The following TAC4 variants were observed in gnomAD, a reference collection of about 807,000 sequenced individuals.
TAC4 encodes tachykinin-4.
Under a neutral mutation model 17.7 loss-of-function variants are expected in TAC4, and 17 were observed. That is an observed-to-expected ratio of 0.96 (90% CI 0.66 to 1.44). The LOEUF is 1.44. Ranked by LOEUF, TAC4 falls within the 40% of genes most tolerant of loss-of-function variation. The pLI is 0.00. For missense variants in TAC4, 118 were observed against 125.6 expected (o/e 0.94, Z 0.29); for synonymous variants, 62 against 52.4 (o/e 1.18, Z -0.79).
chr17:49,843,106 G>A lies in TAC4; in HGVS notation c.199+958C>T, dbSNP rs552570343. Reference sequence around the variant, plus strand: ...GTAACAGCATGTCTGCCTGAAAAGCGAGACTCTGGGTCAGAAAGGTAAGCA... The same window carrying A: ...GTAACAGCATGTCTGCCTGAAAAGCAAGACTCTGGGTCAGAAAGGTAAGCA... On this transcript the variant is annotated intron_variant, in intron 2 of 4. Transcript: ENST00000436235. Among the ~76,000 whole-genome samples the A allele has an allele frequency of 7.2e-5, 11 of 152,324 alleles. No individual in the cohort carries two copies. In the South Asian group the frequency reaches 2.1e-3, roughly 29 times the overall value.
At chr17:49,839,662 C>T (rs2074482079) in intron 4 of TAC4, among the ~76,000 whole-genome samples, 188 bp downstream of exon 4, 1 of 151,992 alleles carries the variant, frequency 6.6e-6, no homozygotes, top group South Asian at 2.1e-4. Context: ...GGTGCAGCTT[C>T]TGGGCCATAG....
At chr17:49,847,342 G>C (rs749694303) in intron 1 of TAC4, 3 of 1,102,794 alleles carry the variant, frequency 2.7e-6, no homozygotes, top group African/African-American at 1.6e-5. Context: ...AGGCAGGAGT[G>C]GGGGTAGTGC....
At chr17:49,842,747 A>G (rs2074508274) in intron 2 of TAC4, among the ~76,000 whole-genome samples, 1 of 151,970 alleles carries the variant, frequency 6.6e-6, no homozygotes, top group African/African-American at 2.4e-5. Flanking sequence ...CCTCATCTCC[A>G]CTTCTGTCCT....
intron 1 of TAC4, chr17:49,847,038 G>A: frequency 1.6e-6 from 2 of 1,290,148 alleles, no homozygotes; most frequent in Non-Finnish European, 1.0e-6. Flanking sequence ...AACCGGAAAG[G>A]AAACCCACCA....
Position 49,838,560 on chromosome 17 carries a change from T to C in TAC4, c.*82A>G, listed in dbSNP as rs1461333179. ...AGGACAGGAGACACAGAGAAGAGAG[T>C]TGGCCTGCCGGCTTGTCAGCTGTGA... is the stretch of plus-strand genomic sequence containing the variant. On this transcript the variant is annotated 3_prime_UTR_variant, in exon 5 of 5. Coordinates refer to ENST00000436235, the MANE Select transcript of TAC4 (RefSeq NM_001077506.2). 7.0e-6 allele frequency: 11 copies of C among 1,561,818 alleles called. No individual in the cohort carries two copies. Among genetic ancestry groups the C allele is most frequent in the Non-Finnish European group, 9.7e-6 (11 of 1,133,920 alleles).
chr17:49,847,183 C>T (rs1302988266), intron 1 of TAC4: 3 of 1,289,928 alleles, frequency 2.3e-6, no homozygotes, highest in Middle Eastern at 2.1e-4. Flanking sequence ...GGAGTCAGGC[C>T]CAGCCTTGTC....
intron 2 of TAC4, among the ~76,000 whole-genome samples, chr17:49,843,012 T>C (rs1220165444): frequency 1.3e-5 from 2 of 152,150 alleles, no homozygotes; most frequent in Non-Finnish European, 2.9e-5. Flanking sequence ...TGATTGATGG[T>C]GTTTATGTTA....
chr17:49,847,708 C>CAG, intron 1 of TAC4: 2 of 668,970 alleles, frequency 3.0e-6, no homozygotes, highest in Non-Finnish European at 5.1e-6. Flanking sequence ...CACACACACA[C>CAG]ACACACACAC....
intron 1 of TAC4, chr17:49,846,215 G>A: frequency 1.6e-6 from 2 of 1,288,868 alleles, no homozygotes; most frequent in South Asian, 2.5e-5. Context: ...ATGACTACAG[G>A]TTGGGGGAGC....
At chr17:49,845,546 TGAG>T (rs561305344) in intron 1 of TAC4, among the ~76,000 whole-genome samples, 291 of 152,216 alleles carry the variant, frequency 1.9e-3, no homozygotes, top group African/African-American at 6.6e-3. Context: ...GAATGCCAAA[TGAG>T]GAGTCCTTTC....
chr17:49,840,229 C>T (rs756962207), intron 3 of TAC4, among the ~76,000 whole-genome samples: 23 of 152,206 alleles, frequency 1.5e-4, no homozygotes, highest in Non-Finnish European at 2.2e-4. Context: ...AGACCTGATG[C>T]CTGCCTGTTG....
At chr17:49,846,917 T>TAGGGGTAGCGCTGCAAAA in intron 1 of TAC4, 1 of 1,268,782 alleles carries the variant, frequency 7.9e-7, no homozygotes, top group South Asian at 1.3e-5. Context: ...GTCACTTCCC[T>TAGGGGTAGCGCTGCAAAA]CCTCCGTTTT....
intron 3 of TAC4, among the ~76,000 whole-genome samples, chr17:49,840,713 G>A (rs2074490782): frequency 6.6e-6 from 1 of 151,938 alleles, no homozygotes; most frequent in African/African-American, 2.4e-5. Context: ...ACGTTGGCCA[G>A]GCTGGTCTCG....
chr17:49,844,996 A>G (rs2074527142), intron 1 of TAC4, among the ~76,000 whole-genome samples: 1 of 152,222 alleles, frequency 6.6e-6, no homozygotes, highest in South Asian at 2.1e-4. Context: ...GGCTGAGCCA[A>G]GATTCAAAGT....
intron 1 of TAC4, chr17:49,845,988 T>C (rs2074535341): frequency 4.2e-6 from 1 of 239,822 alleles, no homozygotes; most frequent in Non-Finnish European, 8.3e-6. Flanking sequence ...GAAAAGCTCA[T>C]GAAAACCACT....
rs1175342087 is a variant in TAC4, at chr17:49,838,437, C to T, written c.*205G>A. The stretch of plus-strand genomic sequence containing the variant: ...GCAGAGTCAGTGCAGCTTGCTACGG[C>T]GAAGCTGTGCATTTATGCAGGACTG... On this transcript the variant is annotated 3_prime_UTR_variant, in exon 5 of 5. Transcript: ENST00000436235. The T allele has an allele frequency of 6.1e-6, 4 of 660,654 alleles. No homozygotes were observed. Among genetic ancestry groups the T allele is most frequent in the African/African-American group, 1.8e-5 (1 of 54,268 alleles). 40.9% of individuals were successfully genotyped at this position (660,654 alleles called of 1,614,324 possible).
At chr17:49,839,714 C>T (rs1409032959) in intron 4 of TAC4, 136 bp downstream of exon 4, 1 of 763,908 alleles carries the variant, frequency 1.3e-6, no homozygotes. Flanking sequence ...TCGACTGCCT[C>T]CCCTGGGGGC....
chr17:49,844,172 A>G lies in TAC4; in HGVS notation c.106-15T>C. 6.2e-7 allele frequency: 1 copy of G among 1,613,228 alleles called. No homozygotes were observed. The highest frequency in any genetic ancestry group is 8.5e-7 in the Non-Finnish European group (1 of 1,179,362). The stretch of plus-strand genomic sequence containing the variant: ...CCAGCGCCTTCCTGAAGAAGCAGAG[A>G]GTTAGTGTTAGAGTTGGGAGGTTGT... On this transcript the variant is annotated splice_polypyrimidine_tract_variant and intron_variant, in intron 1 of 4. Transcript: ENST00000436235.
Position 49,844,004 on chromosome 17 carries a change from T to C in TAC4, c.199+60A>G, listed in dbSNP as rs958167639. On this transcript the variant is annotated intron_variant, in intron 2 of 4. Coordinates refer to ENST00000436235, the MANE Select transcript of TAC4 (RefSeq NM_001077506.2). ...GGGCTTTGACTTAGGGCCTCTGCTT[T>C]ATGTTGCAGAACCCACTCAGAACCC... 3.3e-6 allele frequency: 5 copies of C among 1,511,824 alleles called. No individual in the cohort carries two copies. The East Asian group carries it at 9.0e-5, about 27-fold the overall frequency. The allele number at this position is 1,511,824 out of a possible 1,614,324, so 93.7% of individuals were successfully genotyped here.
Sources: allele counts gnomAD v4.1 joint callset (sites outside exome capture counted in the v4.1 genomes callset), GRCh38; gene constraint gnomAD v4.1.1; transcripts MANE v1.5; gene names NCBI Gene and HGNC (gene_info 2026-07-23, HGNC 2026-07-21).